GTF3C2: variants seen among roughly 807,000 people sequenced by gnomAD.
GTF3C2 encodes the protein general transcription factor 3C polypeptide 2.
GTF3C2 carries 17 observed loss-of-function variants against 117.4 expected under a neutral mutation model. That is an observed-to-expected ratio of 0.14 (90% CI 0.10 to 0.22). The LOEUF (loss-of-function observed/expected upper bound fraction) is 0.22, where lower values mean the gene tolerates loss of function less well. Among genes scored for constraint, GTF3C2 ranks in the 10% least tolerant of loss-of-function variants. The pLI, the probability that GTF3C2 is intolerant of heterozygous loss-of-function variation, is 1.00. For missense variants in GTF3C2, 888 were observed against 1,143.6 expected (o/e 0.78, Z 3.22); for synonymous variants, 437 against 427.0 (o/e 1.02, Z -0.29).
intron 1 of GTF3C2, among the ~76,000 whole-genome samples, chr2:27,346,126 C>CA (rs1447563130): frequency 2.7e-5 from 4 of 146,762 alleles, no homozygotes; most frequent in Admixed American, 6.9e-5. Context: ...AGAGCTCAAG[C>CA]AATCCTCCTG....
intron 16 of GTF3C2, 77 bp downstream of exon 16, chr2:27,328,391 A>G: frequency 6.8e-7 from 1 of 1,464,912 alleles, no homozygotes; most frequent in Non-Finnish European, 9.6e-7. Context: ...ACCTGACACT[A>G]GTTTGTACTC....
intron 1 of GTF3C2, among the ~76,000 whole-genome samples, chr2:27,343,874 C>A (rs932052124): frequency 4.6e-5 from 7 of 151,798 alleles, no homozygotes; most frequent in African/African-American, 1.5e-4. Context: ...AGCAAGACCC[C>A]TTCTCTAGCA....
At chr2:27,350,498 G>T (rs1681091912) in intron 1 of GTF3C2, 13 of 985,608 alleles carry the variant, frequency 1.3e-5, no homozygotes, top group Non-Finnish European at 1.6e-5. Flanking sequence ...TACAGCTGCT[G>T]GCTCAAGAAT....
At chr2:27,330,729 G>A (rs755201511) in intron 12 of GTF3C2, among the ~76,000 whole-genome samples, 9 of 152,110 alleles carry the variant, frequency 5.9e-5, no homozygotes, top group Non-Finnish European at 1.2e-4. Flanking sequence ...AGGAGGCCAG[G>A]GTGGACATAT....
intron 17 of GTF3C2, 62 bp from the exon 18 acceptor site, chr2:27,327,346 G>T: frequency 1.2e-6 from 1 of 859,748 alleles, no homozygotes. Context: ...TTTTTAAGAC[G>T]GAGTCTCGCT....
At chr2:27,328,794 A>G (rs374422560) in intron 15 of GTF3C2, 50 bp downstream of exon 15, 19 of 1,359,046 alleles carry the variant, frequency 1.4e-5, no homozygotes, top group African/African-American at 4.3e-5. Context: ...TAGTGCATAA[A>G]TGAGCCATTT....
At chr2:27,356,425 A>C (rs1487970742) in intron 1 of GTF3C2, 2 of 251,274 alleles carry the variant, frequency 8.0e-6, no homozygotes, top group African/African-American at 2.2e-5. Flanking sequence ...GGACTACTGT[A>C]GGTTCGCCGA....
intron 5 of GTF3C2, 74 bp downstream of exon 5, chr2:27,337,852 C>T (rs1680551220): frequency 2.3e-6 from 2 of 869,244 alleles, no homozygotes; most frequent in South Asian, 1.3e-5. Flanking sequence ...TTTCCCACGG[C>T]CCCACTTCAA....
chr2:27,341,671 TGA>T, intron 4 of GTF3C2: 1 of 416,924 alleles, frequency 2.4e-6, no homozygotes, highest in Non-Finnish European at 4.4e-6. Context: ...GATTGCACTG[TGA>T]ACTTGTGAGG....
intron 4 of GTF3C2, chr2:27,340,216 A>G (rs576998699): frequency 1.3e-5 from 2 of 152,242 alleles, no homozygotes; most frequent in Non-Finnish European, 2.9e-5. Context: ...CAAAAGAATT[A>G]CAAAAATAAA....
chr2:27,352,240 G>C (rs1321347861), intron 1 of GTF3C2, among the ~76,000 whole-genome samples: 1 of 152,110 alleles, frequency 6.6e-6, no homozygotes, highest in Non-Finnish European at 1.5e-5. Flanking sequence ...ACTCTTTTAT[G>C]TGTGAATCTA....
At chr2:27,333,780 T>G in exon 12 of GTF3C2, 1 of 1,603,132 alleles carries the variant, frequency 6.2e-7, no homozygotes. Flanking sequence ...TGCCACACAT[T>G]GTACCTGCAG....
exon 3 of GTF3C2, chr2:27,343,072 C>G (rs1459147184): frequency 2.5e-6 from 4 of 1,613,542 alleles, no homozygotes; most frequent in Non-Finnish European, 3.4e-6. Flanking sequence ...GGGGCCTTTT[C>G]GTGTCCTACC....
At position 27,338,031 on chromosome 2, in the gene GTF3C2, A is replaced by T. The variant is rs752519375; in HGVS notation, c.856-11T>A. ...GTGTGGTTTCTGTTTCTGAGGATCA[A>T]ATTGAAGAAAATATAAGGGAGCAAA... is the stretch of plus-strand genomic sequence containing the variant. On this transcript the variant is annotated splice_polypyrimidine_tract_variant and intron_variant, in intron 4 of 18. Transcript: ENST00000264720. 4 of 1,542,402 alleles carry T rather than the reference A, an allele frequency of 2.6e-6. No homozygotes were observed. Among genetic ancestry groups the T allele is most frequent in the Middle Eastern group, 3.4e-4 (2 of 5,942 alleles).
chr2:27,353,119 G>A (rs1000001619), intron 1 of GTF3C2, among the ~76,000 whole-genome samples: 21 of 152,134 alleles, frequency 1.4e-4, no homozygotes, highest in African/African-American at 4.3e-4. Flanking sequence ...AAAAGGCCGG[G>A]CGCTGTGGCT....
chr2:27,351,259 A>G (rs1019378505), intron 1 of GTF3C2, among the ~76,000 whole-genome samples: 10 of 151,816 alleles, frequency 6.6e-5, no homozygotes, highest in African/African-American at 2.4e-4. Flanking sequence ...TAAAAACACA[A>G]AAATTAGCTG....
At chr2:27,328,186 T>C (rs1362056178) in exon 17 of GTF3C2, 7 of 1,575,204 alleles carry the variant, frequency 4.4e-6, no homozygotes, top group Non-Finnish European at 3.4e-6. Context: ...GCTTTATATA[T>C]AGGCTGGAAA....
chr2:27,332,849 G>A (rs1680326501), intron 12 of GTF3C2, among the ~76,000 whole-genome samples: 1 of 151,790 alleles, frequency 6.6e-6, no homozygotes. Context: ...CCCAGTAGTT[G>A]GGACTACAGG....
intron 1 of GTF3C2, among the ~76,000 whole-genome samples, chr2:27,354,266 G>A (rs1423278628): frequency 6.6e-6 from 1 of 152,026 alleles, no homozygotes; most frequent in Non-Finnish European, 1.5e-5. Context: ...CTGGGTGACA[G>A]AGCAAGATCT....
Sources: gnomAD v4.1 joint callset for allele counts (sites outside exome capture counted in the v4.1 genomes callset) on GRCh38, gnomAD v4.1.1 for gene constraint, MANE v1.5 for transcripts, NCBI Gene and HGNC (gene_info 2026-07-23, HGNC 2026-07-21) for gene names.